The following ZDHHC17 variants were observed in gnomAD, a reference collection of about 807,000 sequenced individuals.
ZDHHC17 encodes palmitoyltransferase ZDHHC17.
Under a neutral mutation model 90.3 loss-of-function variants are expected in ZDHHC17, and 40 were observed. The ratio of observed to expected loss-of-function variants is 0.44; its 90% CI spans 0.34 to 0.58. The LOEUF (loss-of-function observed/expected upper bound fraction) is 0.58, where lower values mean the gene tolerates loss of function less well. Among genes scored for constraint, ZDHHC17 ranks in the 20% least tolerant of loss-of-function variants. The pLI is 0.01. For synonymous variants in ZDHHC17, 235 were observed against 252.4 expected, an observed-to-expected ratio of 0.93 and a Z score of 0.65; for missense variants, 614 against 780.8, an observed-to-expected ratio of 0.79 and a Z score of 2.55.
chr12:76,804,488 A>G (rs1419452500), intron 2 of ZDHHC17, among the ~76,000 whole-genome samples: 1 of 152,248 alleles, frequency 6.6e-6, no homozygotes, highest in African/African-American at 2.4e-5. Context: ...TTTTCAAGGC[A>G]TGATAAACCT....
intron 10 of ZDHHC17, among the ~76,000 whole-genome samples, chr12:76,838,379 G>A (rs1239670812): frequency 1.3e-5 from 2 of 152,118 alleles, no homozygotes; most frequent in Middle Eastern, 3.4e-3. Flanking sequence ...TGATTGACCT[G>A]GGCAAATATA....
At chr12:76,824,090 A>T (rs535909856) in intron 8 of ZDHHC17, among the ~76,000 whole-genome samples, 1 of 152,070 alleles carries the variant, frequency 6.6e-6, no homozygotes, top group African/African-American at 2.4e-5. Flanking sequence ...TTATATATGT[A>T]TATTCACACA....
rs190577594 is a variant in ZDHHC17, at chr12:76,853,582, C to A, written c.*2597C>A. 1 of 151,758 alleles carries A rather than the reference C, an allele frequency of 6.6e-6. No individual in the cohort carries two copies. The highest frequency in any genetic ancestry group is 1.5e-5 in the Non-Finnish European group (1 of 67,760). The allele number at this position is 151,758 out of a possible 1,614,324, so 9.4% of individuals were successfully genotyped here. A position where few individuals can be genotyped will look rare whatever the true frequency, so the allele number is the denominator to read the frequency against. On this transcript the variant is annotated 3_prime_UTR_variant, in exon 17 of 17. Transcript: ENST00000426126. ...TGCCAAGTATTATTTTGCTACTTAC[C>A]GTGTTATTCTGTGGAAAGAAAAACC... is the stretch of plus-strand genomic sequence containing the variant.
chr12:76,764,515 G>T, intron 1 of ZDHHC17, 186 bp downstream of exon 1: 1 of 608,062 alleles, frequency 1.6e-6, no homozygotes, highest in Non-Finnish European at 2.9e-6. Flanking sequence ...TAGCGGGGCG[G>T]GCCCGACCGG....
intron 1 of ZDHHC17, among the ~76,000 whole-genome samples, chr12:76,787,166 G>A (rs1356268767): frequency 1.2e-4 from 17 of 147,090 alleles, no homozygotes; most frequent in Non-Finnish European, 2.5e-4. Flanking sequence ...ATGTCACCAC[G>A]ACTTGAGTGT....
intron 11 of ZDHHC17, among the ~76,000 whole-genome samples, chr12:76,842,473 C>T (rs948454215): frequency 6.6e-6 from 1 of 152,174 alleles, no homozygotes; most frequent in African/African-American, 2.4e-5. Flanking sequence ...AGTGCAGGTA[C>T]ACCATCCCAG....
chr12:76,768,742 T>C (rs1952459148), intron 1 of ZDHHC17, among the ~76,000 whole-genome samples: 1 of 152,166 alleles, frequency 6.6e-6, no homozygotes, highest in Non-Finnish European at 1.5e-5. Context: ...TCTCAGCTCT[T>C]TGATAGAATG....
intron 7 of ZDHHC17, among the ~76,000 whole-genome samples, chr12:76,819,463 T>A (rs1953132988): frequency 6.6e-6 from 1 of 152,196 alleles, no homozygotes; most frequent in South Asian, 2.1e-4. Context: ...GGCTATGGCT[T>A]TAATAGCTAT....
intron 8 of ZDHHC17, among the ~76,000 whole-genome samples, chr12:76,824,286 T>C (rs578178881): frequency 6.6e-6 from 1 of 152,162 alleles, no homozygotes; most frequent in African/African-American, 2.4e-5. Context: ...AGAAATGGAG[T>C]TTCTTTCCTG....
chr12:76,824,325 T>C (rs1184253789), intron 8 of ZDHHC17, among the ~76,000 whole-genome samples: 1 of 152,094 alleles, frequency 6.6e-6, no homozygotes, highest in African/African-American at 2.4e-5. Context: ...TTTAAATATA[T>C]TAAAATTTTT....
intron 7 of ZDHHC17, among the ~76,000 whole-genome samples, chr12:76,820,792 G>T (rs1953155009): frequency 6.6e-6 from 1 of 152,056 alleles, no homozygotes; most frequent in African/African-American, 2.4e-5. Flanking sequence ...ACCTTTGAAT[G>T]ATTTCTTTTA....
intron 7 of ZDHHC17, among the ~76,000 whole-genome samples, chr12:76,820,559 A>G (rs962823937): frequency 6.6e-6 from 1 of 152,214 alleles, no homozygotes; most frequent in Non-Finnish European, 1.5e-5. Context: ...TTTAGCTTGT[A>G]CAGAATATAA....
In ZDHHC17 at chr12:76,833,692, T is replaced by G. The variant is rs551146687; in HGVS notation, c.1141+5202T>G. 2.0e-5 allele frequency among the ~76,000 whole-genome samples: 3 copies of G among 152,186 alleles called. No individual in the cohort carries two copies. In the South Asian group the frequency reaches 6.2e-4, roughly 32 times the overall value. On this transcript the variant is annotated intron_variant, in intron 10 of 16. Coordinates refer to ENST00000426126, the MANE Select transcript of ZDHHC17 (RefSeq NM_015336.4). Reference sequence around the variant, plus strand: ...CTGTAGTCCCAGCTATTCGGGAGGCTGAGGCAGGAGAATGGCATGAACCTG... The same window carrying G: ...CTGTAGTCCCAGCTATTCGGGAGGCGGAGGCAGGAGAATGGCATGAACCTG...
At chr12:76,800,764 G>A (rs765130592) in intron 2 of ZDHHC17, among the ~76,000 whole-genome samples, 4 of 151,976 alleles carry the variant, frequency 2.6e-5, no homozygotes, top group Non-Finnish European at 4.4e-5. Context: ...TGTAGATAGC[G>A]TATAGTTGGG....
intron 5 of ZDHHC17, chr12:76,813,442 T>C: frequency 2.5e-6 from 1 of 393,898 alleles, no homozygotes; most frequent in Non-Finnish European, 5.0e-6. Flanking sequence ...TCTATGACAG[T>C]ATGCATGGTG....
At chr12:76,834,816 T>G (rs1953344766) in intron 10 of ZDHHC17, among the ~76,000 whole-genome samples, 1 of 152,218 alleles carries the variant, frequency 6.6e-6, no homozygotes, top group Non-Finnish European at 1.5e-5. Context: ...CTTCACTCAG[T>G]TGCAGTCTCA....
At chr12:76,802,422 T>C (rs1952902386) in intron 2 of ZDHHC17, among the ~76,000 whole-genome samples, 1 of 152,234 alleles carries the variant, frequency 6.6e-6, no homozygotes, top group Admixed American at 6.5e-5. Flanking sequence ...TGTCTCAGTG[T>C]GGGTGTCTTG....
At chr12:76,802,923 T>G (rs1260255630) in intron 2 of ZDHHC17, among the ~76,000 whole-genome samples, 1 of 152,238 alleles carries the variant, frequency 6.6e-6, no homozygotes, top group Non-Finnish European at 1.5e-5. Flanking sequence ...CCGTTCTTTT[T>G]TTTGTTTTGT....
At chr12:76,775,802 A>G (rs911888368) in intron 1 of ZDHHC17, among the ~76,000 whole-genome samples, 4 of 152,184 alleles carry the variant, frequency 2.6e-5, no homozygotes, top group African/African-American at 7.2e-5. Context: ...GAGAGCATGT[A>G]CACTATTGTT....
Sources: gnomAD v4.1 joint callset for allele counts (sites outside exome capture counted in the v4.1 genomes callset) on GRCh38, gnomAD v4.1.1 for gene constraint, MANE v1.5 for transcripts, NCBI Gene and HGNC (gene_info 2026-07-23, HGNC 2026-07-21) for gene names.